BBOX1: variants seen among roughly 807,000 people sequenced by gnomAD.
The protein encoded by BBOX1 is gamma-butyrobetaine dioxygenase.
BBOX1 carries 35 observed loss-of-function variants against 41.6 expected under a neutral mutation model. That is an observed-to-expected ratio of 0.84 (90% confidence interval 0.64 to 1.11). BBOX1 has a LOEUF of 1.11. BBOX1 is among the 50% of genes most tolerant of loss of function. BBOX1 has a pLI of 0.00. For synonymous variants in BBOX1, 163 were observed against 154.7 expected (o/e 1.05, Z -0.40); for missense variants, 458 against 460.6 (o/e 0.99, Z 0.05).
chr11:27,072,854 A>C (rs1857500826), intron 4 of BBOX1, among the ~76,000 whole-genome samples: 1 of 152,234 alleles, frequency 6.6e-6, no homozygotes, highest in African/African-American at 2.4e-5. Context: ...GTGCTGGGAA[A>C]ACTGGCTAGC....
At position 27,097,275 on chromosome 11, in the gene BBOX1, G is replaced by A. The variant is rs1417090200; in HGVS notation, c.533+3909G>A. On this transcript the variant is annotated intron_variant, in intron 5 of 8. Coordinates refer to ENST00000263182, the MANE Select transcript of BBOX1 (RefSeq NM_003986.3). Reference sequence around the variant, plus strand: ...AATTTTCTGGAGCCCTTTTAGGAAAGGTGATATTATTGAATAAATGAATTT... The same window carrying A: ...AATTTTCTGGAGCCCTTTTAGGAAAAGTGATATTATTGAATAAATGAATTT... 1.3e-5 allele frequency among the ~76,000 whole-genome samples: 2 copies of A among 151,972 alleles called. 1 individual carries two copies. Among genetic ancestry groups the A allele is most frequent in the South Asian group, 4.1e-4 (2 of 4,822 alleles).
At chr11:27,097,144 C>T (rs541025650) in intron 5 of BBOX1, among the ~76,000 whole-genome samples, 171 of 151,954 alleles carry the variant, frequency 1.1e-3, no homozygotes, top group African/African-American at 3.6e-3. Flanking sequence ...GACAACCTTT[C>T]GAGAATTTAA....
At chr11:27,126,677 C>CTTTTTTTTT (rs66505246) in intron 8 of BBOX1, among the ~76,000 whole-genome samples, 1 of 127,826 alleles carries the variant, frequency 7.8e-6, no homozygotes, top group African/African-American at 2.8e-5. Context: ...TCTTTTTTTT[C>CTTTTTTTTT]TTTTTTTTTT....
rs557002523 is a variant in BBOX1, at chr11:27,115,707, A to G, written c.639+150A>G. 1.8e-4 allele frequency: 98 copies of G among 552,422 alleles called. No individual in the cohort carries two copies. In the African/African-American group the frequency reaches 1.9e-3, roughly 11 times the overall value. The allele number at this position is 552,422 out of a possible 1,614,324, so 34.2% of individuals were successfully genotyped here. A position where few individuals can be genotyped will look rare whatever the true frequency, so the allele number is the denominator to read the frequency against. ...CAATCCAAGCTCACAAAATCTCTGT[A>G]CCTAAATCCTAAATATCTTCACATT... On this transcript the variant is annotated intron_variant, in intron 6 of 8. Transcript: ENST00000263182.
intron 4 of BBOX1, among the ~76,000 whole-genome samples, chr11:27,087,792 G>T (rs1858096382): frequency 6.6e-6 from 1 of 152,040 alleles, no homozygotes; most frequent in Admixed American, 6.6e-5. Context: ...ATGGCCCTTA[G>T]TCTCTGATTT....
rs550487324 is a variant in BBOX1 at position 27,123,481 on chromosome 11, C to A, written c.837-2173C>A. ...GGGTGACTGAAACAGACGACCCCCCCAGAAGTTCCAAAGTCATGACATCCC... is the reference window on the plus strand; with the variant it reads ...GGGTGACTGAAACAGACGACCCCCCAAGAAGTTCCAAAGTCATGACATCCC... On this transcript the variant is annotated intron_variant, in intron 7 of 8. Transcript: ENST00000263182. 1.4e-4 allele frequency among the ~76,000 whole-genome samples: 21 copies of A among 152,022 alleles called. No individual in the cohort carries two copies. The South Asian group carries it at 3.3e-3, about 24-fold the overall frequency.
rs550125835 is a variant in BBOX1 at position 27,103,715 on chromosome 11, T to G, written c.533+10349T>G. 5.3e-5 allele frequency among the ~76,000 whole-genome samples: 8 copies of G among 152,166 alleles called. 2 individuals are homozygous for G. The highest frequency in any genetic ancestry group is 1.9e-4 in the African/African-American group (8 of 41,576). ...AGTGGTTATAAAAAAAAACAGAAGG[T>G]AGAAAAAATAATATTTTATCTTTTT... On this transcript the variant is annotated intron_variant, in intron 5 of 8. Coordinates refer to ENST00000263182, the MANE Select transcript of BBOX1 (RefSeq NM_003986.3).
chr11:27,119,150 CTTT>C (rs1376152121), intron 6 of BBOX1, among the ~76,000 whole-genome samples: 1 of 152,018 alleles, frequency 6.6e-6, no homozygotes, highest in East Asian at 1.9e-4. Context: ...TGTAGCCAGA[CTTT>C]TTATTACCCA....
At chr11:27,062,306 C>G (rs1201843851) in intron 4 of BBOX1, among the ~76,000 whole-genome samples, 1 of 152,202 alleles carries the variant, frequency 6.6e-6, no homozygotes, top group African/African-American at 2.4e-5. Context: ...ATATGCCCTG[C>G]TTGGTCCTAA....
At chr11:27,081,628 C>T (rs1303725959) in intron 4 of BBOX1, among the ~76,000 whole-genome samples, 1 of 152,098 alleles carries the variant, frequency 6.6e-6, no homozygotes, top group Non-Finnish European at 1.5e-5. Flanking sequence ...GAGGAATCAC[C>T]ACACTGTCTT....
chr11:27,057,146 A>G (rs1857010431), intron 3 of BBOX1, 55 bp from the exon 4 acceptor site: 2 of 1,169,496 alleles, frequency 1.7e-6, no homozygotes, highest in African/African-American at 1.6e-5. Context: ...ACAGAGCAAT[A>G]GTGGAGAACG....
At chr11:27,064,313 C>A (rs1257665513) in intron 4 of BBOX1, among the ~76,000 whole-genome samples, 1 of 152,046 alleles carries the variant, frequency 6.6e-6, no homozygotes, top group Admixed American at 6.6e-5. Flanking sequence ...ATTAAGCCAC[C>A]ACATCATCTT....
rs1479677443 is a variant in BBOX1, at chr11:27,119,447, A to G, written c.640-202A>G. 3.3e-5 allele frequency among the ~76,000 whole-genome samples: 5 copies of G among 150,338 alleles called. No homozygotes were observed. In the East Asian group the frequency reaches 9.8e-4, roughly 29 times the overall value. ...ATTATAAGCAACTTTTTTCTTCCCA[A>G]CTCTTTTCTGATGACATAAGAAAGA... On this transcript the variant is annotated intron_variant, in intron 6 of 8. Transcript: ENST00000263182.
chr11:27,058,583 A>AT (rs1857053818), intron 4 of BBOX1, among the ~76,000 whole-genome samples: 1 of 152,172 alleles, frequency 6.6e-6, no homozygotes, highest in Admixed American at 6.5e-5. Context: ...TGGACAGTGA[A>AT]TGCCTGGCTG....
chr11:27,073,914 G>T (rs528768710), intron 4 of BBOX1, among the ~76,000 whole-genome samples: 238 of 152,140 alleles, frequency 1.6e-3, no homozygotes, highest in African/African-American at 5.4e-3. Flanking sequence ...GGCCTGTTGT[G>T]GGGTGGGGGT....
intron 4 of BBOX1, among the ~76,000 whole-genome samples, chr11:27,092,209 A>G (rs958352127): frequency 1.3e-5 from 2 of 151,932 alleles, no homozygotes; most frequent in Non-Finnish European, 1.5e-5. Flanking sequence ...TTTTGTTTCT[A>G]TAAAATGACA....
chr11:27,075,508 G>A (rs539073660), intron 4 of BBOX1, among the ~76,000 whole-genome samples: 1 of 152,180 alleles, frequency 6.6e-6, no homozygotes, highest in East Asian at 1.9e-4. Context: ...AGAGGTGGCT[G>A]GGGGAGCTCT....
chr11:27,122,616 C>T (rs1271830661), intron 7 of BBOX1, among the ~76,000 whole-genome samples: 1 of 152,100 alleles, frequency 6.6e-6, no homozygotes, highest in Non-Finnish European at 1.5e-5. Context: ...TAAATTTTTC[C>T]TGCAGATCCT....
At chr11:27,055,143 CA>C in intron 2 of BBOX1, 1 of 288,298 alleles carries the variant, frequency 3.5e-6, no homozygotes, top group Non-Finnish European at 6.5e-6. Flanking sequence ...GTGAGAAAAA[CA>C]AGGAATTCTT....
Sources: allele counts gnomAD v4.1 joint callset (sites outside exome capture counted in the v4.1 genomes callset), GRCh38; gene constraint gnomAD v4.1.1; transcripts MANE v1.5; gene names NCBI Gene and HGNC (gene_info 2026-07-23, HGNC 2026-07-21).